Variants in DYSF observed in about 807,000 individuals in gnomAD.
DYSF encodes dystrophy-associated fer-1-like 1.
Under a neutral mutation model 274.9 loss-of-function variants are expected in DYSF, and 212 were observed. That is an observed-to-expected ratio of 0.77 (90% CI 0.69 to 0.86). The LOEUF is 0.86. Ranked by LOEUF, DYSF falls within the 40% of genes least tolerant of loss-of-function variation. The pLI is 0.00. For missense variants in DYSF, 2,666 were observed against 2,783.2 expected, an observed-to-expected ratio of 0.96 and a Z score of 0.95; for synonymous variants, 1,091 against 1,078.7, an observed-to-expected ratio of 1.01 and a Z score of -0.22.
intron 33 of DYSF, among the ~76,000 whole-genome samples, chr2:71,600,168 C>A (rs1032238331): frequency 6.6e-6 from 1 of 152,120 alleles, no homozygotes; most frequent in Non-Finnish European, 1.5e-5. Context: ...GTCTTCTGGG[C>A]GGCAGGGAGT....
At chr2:71,645,794 C>T (rs536335996) in intron 42 of DYSF, among the ~76,000 whole-genome samples, 1 of 152,192 alleles carries the variant, frequency 6.6e-6, no homozygotes, top group Non-Finnish European at 1.5e-5. Flanking sequence ...TCTGGCAACA[C>T]TACTTCTGGA....
At chr2:71,645,847 G>C (rs760956532) in intron 42 of DYSF, among the ~76,000 whole-genome samples, 52 of 152,228 alleles carry the variant, frequency 3.4e-4, no homozygotes, top group Non-Finnish European at 4.6e-4. Context: ...TACCTCCCAG[G>C]CTTGGAGAGG....
chr2:71,537,230 T>TTTG (rs2089455194), intron 16 of DYSF, among the ~76,000 whole-genome samples: 6 of 142,204 alleles, frequency 4.2e-5, no homozygotes, highest in African/African-American at 1.6e-4. Flanking sequence ...TTTGTTTTTT[T>TTTG]TTTTTTTTTT....
intron 41 of DYSF, among the ~76,000 whole-genome samples, chr2:71,627,748 A>ATT (rs1262569523): frequency 6.6e-6 from 1 of 151,998 alleles, no homozygotes; most frequent in Non-Finnish European, 1.5e-5. Context: ...TGCTCTCTAT[A>ATT]TTTTTTCTCT....
chr2:71,514,263 A>C (rs564323514), intron 7 of DYSF, among the ~76,000 whole-genome samples: 3 of 151,906 alleles, frequency 2.0e-5, no homozygotes, highest in African/African-American at 4.8e-5. Context: ...GCTCCTGGCT[A>C]TTCAGGTGTG....
chr2:71,548,585 TGAG>T (rs1215331562), intron 17 of DYSF, among the ~76,000 whole-genome samples: 10 of 152,134 alleles, frequency 6.6e-5, no homozygotes, highest in Non-Finnish European at 1.3e-4. Context: ...TGCCTAGCAG[TGAG>T]GGACAGATTC....
chr2:71,556,167 G>A lies in DYSF; in HGVS notation c.2216+96G>A, dbSNP rs994192242. 74 of 1,046,708 alleles carry A rather than the reference G, an allele frequency of 7.1e-5. No homozygotes were observed. The Admixed American group carries it at 1.2e-3, about 17-fold the overall frequency. 64.8% of individuals were successfully genotyped at this position (1,046,708 alleles called of 1,614,324 possible). A position where few individuals can be genotyped will look rare whatever the true frequency, so the allele number is the denominator to read the frequency against. The stretch of plus-strand genomic sequence containing the variant: ...CGTGTGTGGCAGTGAGCAGTGGCAC[G>A]TCTCCCAGCCACGCTTGGCCAGCAG... On this transcript the variant is annotated intron_variant, in intron 22 of 55. Coordinates refer to ENST00000410020, the MANE Select transcript of DYSF (RefSeq NM_001130987.2).
At chr2:71,665,343 G>T (rs143732031) in intron 47 of DYSF, 39 bp downstream of exon 47, 14 of 1,613,280 alleles carry the variant, frequency 8.7e-6, no homozygotes, top group Non-Finnish European at 1.2e-5. Flanking sequence ...GTGGGCTCTC[G>T]CTGTATCCCT....
intron 14 of DYSF, among the ~76,000 whole-genome samples, chr2:71,534,315 C>T (rs2089069097): frequency 6.6e-6 from 1 of 152,194 alleles, no homozygotes; most frequent in Non-Finnish European, 1.5e-5. Context: ...GAGTCTTTAC[C>T]TGCTGCCCCC....
chr2:71,585,610 G>A (rs535114590), intron 30 of DYSF, among the ~76,000 whole-genome samples: 1 of 152,128 alleles, frequency 6.6e-6, no homozygotes, highest in African/African-American at 2.4e-5. Context: ...TGACATTGGC[G>A]GATCCCCACC....
chr2:71,623,605 A>G (rs12713760), intron 41 of DYSF, among the ~76,000 whole-genome samples: 108,361 of 151,960 alleles, frequency 0.71, 40,829 homozygotes, highest in East Asian at 0.88. Context: ...GGTATAAATC[A>G]TATCCAAAAT....
In DYSF at chr2:71,487,548, G is replaced by T. The variant is rs1048955656; in HGVS notation, c.239+5578G>T. ...TGTTTAGGCAGAGTCTCGCTCTGTC[G>T]CCCAGGAAGGAATGCAGTGGCATGA... On this transcript the variant is annotated intron_variant, in intron 3 of 55. Coordinates refer to ENST00000410020, the MANE Select transcript of DYSF (RefSeq NM_001130987.2). 2.0e-5 allele frequency among the ~76,000 whole-genome samples: 3 copies of T among 152,142 alleles called. No homozygotes were observed. In the East Asian group the frequency reaches 5.8e-4, roughly 29 times the overall value.
intron 6 of DYSF, 78 bp from the exon 7 acceptor site, chr2:71,513,638 C>T (rs992556066): frequency 7.4e-6 from 11 of 1,489,232 alleles, no homozygotes; most frequent in Non-Finnish European, 1.0e-5. Context: ...ATCTTCTGCC[C>T]CCTGGGCTGG....
At chr2:71,470,721 TTTCCTTCCTTCCTTCTTTCC>T (rs1433217044) in intron 1 of DYSF, among the ~76,000 whole-genome samples, 2 of 135,874 alleles carry the variant, frequency 1.5e-5, no homozygotes, top group Non-Finnish European at 1.6e-5. Flanking sequence ...CTCTTCCTTC[TTTCCTTCCTTCCTTCTTTCC>T]TTCCTTCCTT....
intron 26 of DYSF, 47 bp from the exon 27 acceptor site, chr2:71,569,773 G>A (rs757292897): frequency 1.2e-5 from 19 of 1,526,864 alleles, no homozygotes; most frequent in Non-Finnish European, 1.6e-5. Flanking sequence ...ATGGATGGGG[G>A]CCTCTCCAGC....
intron 41 of DYSF, among the ~76,000 whole-genome samples, chr2:71,641,494 G>T (rs1302234183): frequency 6.6e-6 from 1 of 151,874 alleles, no homozygotes; most frequent in Admixed American, 6.6e-5. Flanking sequence ...TCTTGCTCTG[G>T]GGTTTAATCA....
intron 52 of DYSF, among the ~76,000 whole-genome samples, chr2:71,677,190 G>A (rs2095236284): frequency 6.6e-6 from 1 of 152,068 alleles, no homozygotes; most frequent in African/African-American, 2.4e-5. Context: ...CAAAGCAGAC[G>A]CACAGATGGA....
intron 41 of DYSF, among the ~76,000 whole-genome samples, chr2:71,636,303 C>T (rs1316411432): frequency 1.3e-5 from 2 of 152,090 alleles, no homozygotes; most frequent in South Asian, 2.1e-4. Context: ...GGGAGCAGGA[C>T]GGCAAAGGTG....
chr2:71,483,979 C>T (rs2083151169), intron 3 of DYSF, among the ~76,000 whole-genome samples: 1 of 150,672 alleles, frequency 6.6e-6, no homozygotes, highest in Non-Finnish European at 1.5e-5. Flanking sequence ...GGTCATGCAG[C>T]AGAAGCACAT....
Sources: allele counts gnomAD v4.1 joint callset (sites outside exome capture counted in the v4.1 genomes callset), GRCh38; gene constraint gnomAD v4.1.1; transcripts MANE v1.5; gene names NCBI Gene and HGNC (gene_info 2026-07-23, HGNC 2026-07-21).